ELMO1: variants seen among roughly 807,000 people sequenced by gnomAD.
The protein encoded by ELMO1 is engulfment and cell motility 1.
In ELMO1, 26 loss-of-function variants were observed where a neutral mutation model predicts 98.9. The ratio of observed to expected loss-of-function variants is 0.26; its 90% CI spans 0.19 to 0.36. The LOEUF is 0.36. ELMO1 is among the 10% of genes least tolerant of loss of function. The probability of loss-of-function intolerance (pLI) is 1.00; values close to 1 mark genes in which losing one functional copy is unlikely to be tolerated. For synonymous variants in ELMO1, 346 were observed against 346.0 expected (o/e 1.00, Z 0.00); for missense variants, 627 against 935.2 (o/e 0.67, Z 4.30).
intron 16 of ELMO1, among the ~76,000 whole-genome samples, chr7:37,005,489 C>T (rs1007347122): frequency 6.6e-6 from 1 of 151,942 alleles, no homozygotes; most frequent in African/African-American, 2.4e-5. Context: ...GTCAGGAGTT[C>T]AAGACCAGCC....
chr7:37,138,347 G>C (rs752815502), intron 13 of ELMO1, among the ~76,000 whole-genome samples: 1 of 149,216 alleles, frequency 6.7e-6, no homozygotes, highest in Non-Finnish European at 1.5e-5. Flanking sequence ...AAAAAAAGAA[G>C]AGAGAAGATC....
intron 2 of ELMO1, among the ~76,000 whole-genome samples, chr7:37,331,886 A>G (rs1562620809): frequency 7.1e-6 from 1 of 139,948 alleles, no homozygotes; most frequent in Non-Finnish European, 1.5e-5. Flanking sequence ...GCAAAACTGT[A>G]TGGGTTTGAG....
chr7:37,362,431 C>A (rs1303594511), intron 1 of ELMO1, among the ~76,000 whole-genome samples: 1 of 152,150 alleles, frequency 6.6e-6, no homozygotes, highest in African/African-American at 2.4e-5. Flanking sequence ...GCCACTAGCA[C>A]TTTTAAGATT....
intron 15 of ELMO1, among the ~76,000 whole-genome samples, chr7:37,053,784 G>A (rs1796247021): frequency 6.6e-6 from 1 of 152,082 alleles, no homozygotes; most frequent in South Asian, 2.1e-4. Flanking sequence ...ATTGATCAAA[G>A]TCTCCTCAGT....
chr7:37,184,641 C>T (rs1417472956), intron 13 of ELMO1, among the ~76,000 whole-genome samples: 1 of 152,138 alleles, frequency 6.6e-6, no homozygotes, highest in Non-Finnish European at 1.5e-5. Flanking sequence ...GGCATGATGG[C>T]TCACACCTAT....
chr7:37,124,280 C>G (rs1221249199), intron 14 of ELMO1, among the ~76,000 whole-genome samples: 2 of 152,080 alleles, frequency 1.3e-5, no homozygotes, highest in Non-Finnish European at 2.9e-5. Flanking sequence ...GGAAGTTCTG[C>G]CTAGCGCAAT....
chr7:37,042,840 G>A (rs1795597580), intron 15 of ELMO1, among the ~76,000 whole-genome samples: 1 of 152,096 alleles, frequency 6.6e-6, no homozygotes, highest in Non-Finnish European at 1.5e-5. Context: ...GCTCTCCTGG[G>A]CCACTCACAA....
intron 4 of ELMO1, among the ~76,000 whole-genome samples, chr7:37,303,374 C>T (rs1798442454): frequency 6.6e-6 from 1 of 152,164 alleles, no homozygotes; most frequent in African/African-American, 2.4e-5. Flanking sequence ...ATTTCATTTA[C>T]CCATGACACA....
At chr7:36,968,658 AAT>A (rs1385620939) in intron 16 of ELMO1, among the ~76,000 whole-genome samples, 6 of 152,070 alleles carry the variant, frequency 3.9e-5, no homozygotes, top group Non-Finnish European at 7.4e-5. Flanking sequence ...ATAGATTGTC[AAT>A]GTCAATTGTC....
intron 15 of ELMO1, among the ~76,000 whole-genome samples, chr7:37,051,794 A>G (rs1796123088): frequency 6.6e-6 from 1 of 152,218 alleles, no homozygotes; most frequent in Non-Finnish European, 1.5e-5. Flanking sequence ...ATAAAAGCTA[A>G]TCTGCAAATA....
intron 16 of ELMO1, among the ~76,000 whole-genome samples, chr7:36,963,247 G>T (rs534412447): frequency 6.6e-6 from 1 of 152,026 alleles, no homozygotes; most frequent in Admixed American, 6.6e-5. Flanking sequence ...GCGTGGTGCC[G>T]TGCGCCTGTA....
intron 13 of ELMO1, among the ~76,000 whole-genome samples, chr7:37,149,726 G>A (rs1788233333): frequency 6.6e-6 from 1 of 152,162 alleles, no homozygotes; most frequent in Admixed American, 6.5e-5. Flanking sequence ...CTTGTTCTAA[G>A]TGTTTGATCC....
chr7:36,868,323 T>TCTG (rs201437575), intron 20 of ELMO1, among the ~76,000 whole-genome samples: 1 of 133,504 alleles, frequency 7.5e-6, no homozygotes, highest in African/African-American at 2.8e-5. Context: ...TCCGCTTTGT[T>TCTG]CTGCTTCTTC....
intron 15 of ELMO1, among the ~76,000 whole-genome samples, chr7:37,075,969 G>T (rs1797556277): frequency 6.6e-6 from 1 of 152,216 alleles, no homozygotes; most frequent in Non-Finnish European, 1.5e-5. Flanking sequence ...ATAATGGGGT[G>T]GGGGTTGAGG....
At chr7:37,027,063 C>T (rs542566331) in intron 15 of ELMO1, among the ~76,000 whole-genome samples, 2 of 152,286 alleles carry the variant, frequency 1.3e-5, no homozygotes, top group South Asian at 2.1e-4. Context: ...TGGGCCAGCA[C>T]AGACACACAG....
chr7:36,891,455 C>A (rs1370324365), intron 17 of ELMO1, among the ~76,000 whole-genome samples: 4 of 152,180 alleles, frequency 2.6e-5, no homozygotes, highest in South Asian at 2.1e-4. Context: ...TTATTCCTGG[C>A]TTTGTTTTTG....
Position 36,854,495 on chromosome 7 carries a change from CTGTT to C in ELMO1, c.*1052_*1055del, listed in dbSNP as rs1802054353. ...TCTCTTCTTTTCATTAAATATATAT[CTGTT>C]TGGCAAAAAATGTTAGACTCTTTTG... On this transcript the variant is annotated 3_prime_UTR_variant, in exon 22 of 22. Coordinates refer to ENST00000310758, the MANE Select transcript of ELMO1 (RefSeq NM_014800.11). 1.4e-5 allele frequency: 2 copies of C among 147,806 alleles called. No individual in the cohort carries two copies. Among genetic ancestry groups the C allele is most frequent in the South Asian group, 4.3e-4 (2 of 4,694 alleles). The allele number at this position is 147,806 out of a possible 1,614,324, so 9.2% of individuals were successfully genotyped here. A position where few individuals can be genotyped will look rare whatever the true frequency, so the allele number is the denominator to read the frequency against.
chr7:37,122,088 G>A (rs578103584), intron 14 of ELMO1, among the ~76,000 whole-genome samples: 1 of 152,260 alleles, frequency 6.6e-6, no homozygotes, highest in South Asian at 2.1e-4. Flanking sequence ...CAAATGCTGA[G>A]AGATTTTTGT....
intron 1 of ELMO1, among the ~76,000 whole-genome samples, chr7:37,411,612 T>C (rs890452950): frequency 9.8e-5 from 15 of 152,310 alleles, no homozygotes; most frequent in Admixed American, 7.8e-4. Context: ...TCCACAGAAA[T>C]GGCATTTTTG....
Sources: gnomAD v4.1 joint callset for allele counts (sites outside exome capture counted in the v4.1 genomes callset) on GRCh38, gnomAD v4.1.1 for gene constraint, MANE v1.5 for transcripts, NCBI Gene and HGNC (gene_info 2026-07-23, HGNC 2026-07-21) for gene names.